The following GALNT13 variants were observed in gnomAD, a reference collection of about 807,000 sequenced individuals.
GALNT13 encodes the protein polypeptide N-acetylgalactosaminyltransferase 13.
GALNT13 carries 28 observed loss-of-function variants against 64.2 expected under a neutral mutation model. The observed-to-expected ratio is 0.44, with a 90% CI of 0.32 to 0.60. The LOEUF (loss-of-function observed/expected upper bound fraction) is 0.60. GALNT13 is among the 20% of genes least tolerant of loss of function. The pLI is 0.05. For missense variants in GALNT13, 577 were observed against 669.8 expected (o/e 0.86, Z 1.53); for synonymous variants, 214 against 224.6 (o/e 0.95, Z 0.42).
At chr2:153,914,239 A>G (rs893712200) in intron 2 of GALNT13, among the ~76,000 whole-genome samples, 3 of 152,158 alleles carry the variant, frequency 2.0e-5, no homozygotes, top group African/African-American at 7.2e-5. Flanking sequence ...AACACTGTCC[A>G]TCATTTTACT....
intron 4 of GALNT13, among the ~76,000 whole-genome samples, chr2:154,171,083 C>T (rs906860051): frequency 6.6e-5 from 10 of 152,068 alleles, no homozygotes; most frequent in African/African-American, 2.4e-4. Flanking sequence ...CTTCCTGGCC[C>T]TCTTAGACAC....
the GALNT13 span, among the ~76,000 whole-genome samples, chr2:153,653,283 T>A: frequency 6.6e-6 from 1 of 152,296 alleles, no homozygotes; most frequent in Non-Finnish European, 1.5e-5. Flanking sequence ...AAGCTTCAGC[T>A]AATCCACTAG....
chr2:153,304,517 A>G, the GALNT13 span, among the ~76,000 whole-genome samples: 1 of 152,022 alleles, frequency 6.6e-6, no homozygotes, highest in African/African-American at 2.4e-5. Flanking sequence ...TATAAATAGG[A>G]CTCCCTCACA....
At chr2:153,493,993 T>A in the GALNT13 span, among the ~76,000 whole-genome samples, 3 of 151,846 alleles carry the variant, frequency 2.0e-5, no homozygotes, top group Non-Finnish European at 4.4e-5. Flanking sequence ...TTTTATAAGG[T>A]CAGAGGATAG....
chr2:153,239,022 A>T, the GALNT13 span, among the ~76,000 whole-genome samples: 1 of 151,866 alleles, frequency 6.6e-6, no homozygotes, highest in Non-Finnish European at 1.5e-5. Flanking sequence ...ATTACCTTCA[A>T]TGTTTTATAG....
At chr2:154,188,628 T>C (rs945112970) in intron 4 of GALNT13, among the ~76,000 whole-genome samples, 1 of 152,194 alleles carries the variant, frequency 6.6e-6, no homozygotes, top group African/African-American at 2.4e-5. Context: ...GAATATTTGA[T>C]GAACAGCAGA....
the GALNT13 span, among the ~76,000 whole-genome samples, chr2:153,599,294 G>C: frequency 5.3e-5 from 8 of 151,860 alleles, no homozygotes; most frequent in Non-Finnish European, 8.8e-5. Context: ...GTTAATGTTA[G>C]CTATAGTTAC....
At chr2:153,082,602 TATATATATATATATATAC>T in the GALNT13 span, among the ~76,000 whole-genome samples, 216 of 45,502 alleles carry the variant, frequency 4.7e-3, no homozygotes, top group Non-Finnish European at 6.8e-3. Context: ...TATATATATA[TATATATATATATATATAC>T]ACACACACAC....
chr2:154,023,414 C>T (rs1222579103), intron 3 of GALNT13, among the ~76,000 whole-genome samples: 1 of 152,194 alleles, frequency 6.6e-6, no homozygotes, highest in Non-Finnish European at 1.5e-5. Flanking sequence ...ATAGTTAGCT[C>T]TTCTTGTTGA....
chr2:153,200,494 G>A, the GALNT13 span, among the ~76,000 whole-genome samples: 1 of 152,156 alleles, frequency 6.6e-6, no homozygotes, highest in Non-Finnish European at 1.5e-5. Flanking sequence ...GGGCAGAAAT[G>A]GCACATTAGA....
At chr2:154,293,358 G>C (rs1692748737) in intron 8 of GALNT13, among the ~76,000 whole-genome samples, 1 of 152,128 alleles carries the variant, frequency 6.6e-6, no homozygotes, top group Admixed American at 6.5e-5. Context: ...CCTGGACATT[G>C]ATGTTGTAAT....
chr2:154,064,149 T>C (rs144974182), intron 3 of GALNT13, among the ~76,000 whole-genome samples: 1 of 152,252 alleles, frequency 6.6e-6, no homozygotes, highest in Non-Finnish European at 1.5e-5. Flanking sequence ...CAAAAACTTG[T>C]AGAACTTAGC....
the GALNT13 span, among the ~76,000 whole-genome samples, chr2:153,791,151 A>G: frequency 6.6e-6 from 1 of 152,202 alleles, no homozygotes; most frequent in Non-Finnish European, 1.5e-5. Context: ...CAGCATTTAT[A>G]AGAAACTTAA....
chr2:153,225,084 C>G, the GALNT13 span, among the ~76,000 whole-genome samples: 1 of 152,104 alleles, frequency 6.6e-6, no homozygotes, highest in Non-Finnish European at 1.5e-5. Flanking sequence ...AAATCCTCAA[C>G]AAAATATTAG....
At chr2:154,427,635 A>G (rs1182712000) in intron 11 of GALNT13, among the ~76,000 whole-genome samples, 1 of 152,214 alleles carries the variant, frequency 6.6e-6, no homozygotes. Context: ...TGAACATAAG[A>G]TGCATACCCA....
chr2:154,373,997 G>A (rs2105316880), intron 9 of GALNT13, among the ~76,000 whole-genome samples: 1 of 152,284 alleles, frequency 6.6e-6, no homozygotes, highest in South Asian at 2.1e-4. Context: ...AAAGCCTTTT[G>A]TGAGTGCCTC....
At chr2:153,747,211 C>G in the GALNT13 span, among the ~76,000 whole-genome samples, 1 of 152,034 alleles carries the variant, frequency 6.6e-6, no homozygotes, top group African/African-American at 2.4e-5. Flanking sequence ...GTATTACAAG[C>G]TATCCAATTA....
At chr2:154,329,298 T>G (rs1695042611) in intron 9 of GALNT13, among the ~76,000 whole-genome samples, 1 of 152,146 alleles carries the variant, frequency 6.6e-6, no homozygotes, top group South Asian at 2.1e-4. Context: ...AGACAGGGTT[T>G]CACCATATTG....
chr2:154,242,174 G>A lies in GALNT13; in HGVS notation c.456G>A (p.Leu152=). The change falls in exon 5 of 13, where the codon TTG becomes TTA. Residue 152 remains leucine (L), a synonymous_variant. Coordinates refer to ENST00000392825, the MANE Select transcript of GALNT13 (RefSeq NM_052917.4). ...SPHYLLSEVI[L]VDDASERDFL... Reference sequence around the variant, plus strand: ...ACTATCTACTCTCAGAGGTCATCTTGGTAGATGATGCCAGTGAAAGAGGTA... The same window carrying A: ...ACTATCTACTCTCAGAGGTCATCTTAGTAGATGATGCCAGTGAAAGAGGTA... 6.2e-7 allele frequency: 1 copy of A among 1,609,978 alleles called. No homozygotes were observed. The highest frequency in any genetic ancestry group is 8.5e-7 in the Non-Finnish European group (1 of 1,178,792).
Sources: allele counts gnomAD v4.1 joint callset (sites outside exome capture counted in the v4.1 genomes callset), GRCh38; gene constraint gnomAD v4.1.1; transcripts MANE v1.5; gene names NCBI Gene and HGNC (gene_info 2026-07-23, HGNC 2026-07-21).